Variants in RRBP1 observed in about 807,000 individuals in gnomAD.
The protein encoded by RRBP1 is ribosome-binding protein 1.
A neutral mutation model predicts 165.2 loss-of-function variants in RRBP1; 94 were observed. The observed-to-expected ratio is 0.57, with a 90% CI of 0.48 to 0.68. The LOEUF (loss-of-function observed/expected upper bound fraction) is 0.68. Among genes scored for constraint, RRBP1 ranks in the 30% least tolerant of loss-of-function variants. The pLI, the probability that RRBP1 is intolerant of heterozygous loss-of-function variation, is 0.00. For missense variants in RRBP1, 1,676 were observed against 1,763.0 expected, an observed-to-expected ratio of 0.95 and a Z score of 0.88; for synonymous variants, 680 against 714.5, an observed-to-expected ratio of 0.95 and a Z score of 0.77.
intron 19 of RRBP1, 30 bp downstream of exon 19, chr20:17,619,603 G>A: frequency 6.5e-7 from 1 of 1,539,064 alleles, no homozygotes; most frequent in Non-Finnish European, 8.9e-7. Context: ...CTGCTGGGCA[G>A]GGGCTGCACT....
At chr20:17,647,799 C>G (rs911735928) in intron 3 of RRBP1, among the ~76,000 whole-genome samples, 4 of 152,234 alleles carry the variant, frequency 2.6e-5, no homozygotes, top group African/African-American at 4.8e-5. Flanking sequence ...CTCAGACACA[C>G]ACATGTAGTC....
intron 2 of RRBP1, among the ~76,000 whole-genome samples, chr20:17,667,243 G>C (rs2036889532): frequency 6.6e-6 from 1 of 152,162 alleles, no homozygotes; most frequent in African/African-American, 2.4e-5. Context: ...AGTGTTCTGA[G>C]ATCTTTTCTT....
At chr20:17,624,795 C>G in intron 12 of RRBP1, 127 bp from the exon 13 acceptor site, 1 of 683,072 alleles carries the variant, frequency 1.5e-6, no homozygotes, top group East Asian at 2.7e-5. Context: ...GGACCTGCCA[C>G]GGGACAAAAT....
intron 3 of RRBP1, among the ~76,000 whole-genome samples, chr20:17,649,839 G>A (rs753005767): frequency 1.6e-4 from 24 of 152,070 alleles, no homozygotes; most frequent in Non-Finnish European, 3.1e-4. Flanking sequence ...GAGCTCACAG[G>A]CCCCCTCCCA....
intron 5 of RRBP1, among the ~76,000 whole-genome samples, chr20:17,640,696 A>G (rs911057115): frequency 1.3e-5 from 2 of 152,170 alleles, no homozygotes; most frequent in African/African-American, 4.8e-5. Flanking sequence ...GCAGCCAGGG[A>G]GATATTCTAC....
At chr20:17,649,328 C>T (rs73262653) in intron 3 of RRBP1, among the ~76,000 whole-genome samples, 51 of 152,322 alleles carry the variant, frequency 3.3e-4, no homozygotes, top group African/African-American at 1.2e-3. Context: ...GAGGGGCTGC[C>T]CACACCGGCC....
intron 2 of RRBP1, among the ~76,000 whole-genome samples, chr20:17,677,084 AT>A (rs897310745): frequency 2.5e-4 from 37 of 147,574 alleles, no homozygotes; most frequent in African/African-American, 8.1e-4. Flanking sequence ...AAAAAAAAAA[AT>A]TCCACTTTTA....
chr20:17,634,416 G>A (rs73262621), intron 7 of RRBP1, among the ~76,000 whole-genome samples: 7,796 of 152,286 alleles, frequency 0.051, 597 homozygotes, highest in African/African-American at 0.17. Flanking sequence ...CGTCTGTACC[G>A]GGGAGGCCAC....
intron 3 of RRBP1, among the ~76,000 whole-genome samples, chr20:17,654,523 C>A (rs1299374899): frequency 6.6e-6 from 1 of 152,200 alleles, no homozygotes; most frequent in Non-Finnish European, 1.5e-5. Flanking sequence ...CGGGCCTTAC[C>A]ACTCAATCAC....
chr20:17,677,171 G>C (rs955593208), intron 2 of RRBP1, among the ~76,000 whole-genome samples: 4 of 152,138 alleles, frequency 2.6e-5, no homozygotes, highest in African/African-American at 9.7e-5. Context: ...AGCTCACACA[G>C]GGCACCAGTT....
chr20:17,647,882 C>T (rs1346083825), intron 3 of RRBP1, among the ~76,000 whole-genome samples: 2 of 152,226 alleles, frequency 1.3e-5, no homozygotes, highest in African/African-American at 4.8e-5. Context: ...AGCATGGCTG[C>T]CCAAGCCAGA....
At chr20:17,639,058 C>T (rs1019053638) in intron 5 of RRBP1, among the ~76,000 whole-genome samples, 8 of 152,222 alleles carry the variant, frequency 5.3e-5, no homozygotes, top group Non-Finnish European at 8.8e-5. Flanking sequence ...AAGCCCAGGA[C>T]GGGGCCAGTC....
intron 11 of RRBP1, among the ~76,000 whole-genome samples, chr20:17,625,976 G>A (rs1002095380): frequency 4.6e-5 from 7 of 152,126 alleles, no homozygotes; most frequent in Non-Finnish European, 7.4e-5. Context: ...CCCCAAGAGC[G>A]TCCCCAAAAG....
chr20:17,618,836 C>T, intron 19 of RRBP1, 157 bp from the exon 20 acceptor site: 2 of 624,772 alleles, frequency 3.2e-6, no homozygotes, highest in Non-Finnish European at 5.8e-6. Context: ...GCTCGCCAGG[C>T]TTCCTACAGC....
chr20:17,613,982 T>C lies in RRBP1; in HGVS notation c.*200A>G, dbSNP rs1159151874. The stretch of plus-strand genomic sequence containing the variant: ...TGCGCCCAGGATAGTGTTTATCAAA[T>C]GTGACACAGGTTCATTTACAAACTG... On this transcript the variant is annotated 3_prime_UTR_variant, in exon 25 of 25. Coordinates refer to ENST00000377813, the MANE Select transcript of RRBP1 (RefSeq NM_001365613.2). 3.8e-5 allele frequency: 23 copies of C among 601,690 alleles called. 1 individual carries two copies. The highest frequency in any genetic ancestry group is 6.9e-5 in the Non-Finnish European group (23 of 334,040). The allele number at this position is 601,690 out of a possible 1,614,324, so 37.3% of individuals were successfully genotyped here.
At chr20:17,664,106 G>C (rs1405266226) in intron 2 of RRBP1, among the ~76,000 whole-genome samples, 1 of 152,026 alleles carries the variant, frequency 6.6e-6, no homozygotes, top group African/African-American at 2.4e-5. Context: ...TAATAAAATA[G>C]AACAATTATA....
chr20:17,618,829 C>T (rs1053907780), intron 19 of RRBP1, 150 bp from the exon 20 acceptor site: 4 of 641,152 alleles, frequency 6.2e-6, no homozygotes, highest in African/African-American at 5.4e-5. Flanking sequence ...GCACAGGGCT[C>T]GCCAGGCTTC....
chr20:17,622,089 G>C (rs2035927202), intron 13 of RRBP1, 142 bp from the exon 14 acceptor site: 1 of 662,432 alleles, frequency 1.5e-6, no homozygotes, highest in African/African-American at 1.8e-5. Context: ...AGAATCAAAG[G>C]AGAAGATGAG....
chr20:17,675,404 C>T (rs576189214), intron 2 of RRBP1, among the ~76,000 whole-genome samples: 1 of 152,310 alleles, frequency 6.6e-6, no homozygotes, highest in Non-Finnish European at 1.5e-5. Context: ...TCACTGCCCT[C>T]GACACTGGAT....
Sources: gnomAD v4.1 joint callset for allele counts (sites outside exome capture counted in the v4.1 genomes callset) on GRCh38, gnomAD v4.1.1 for gene constraint, MANE v1.5 for transcripts, NCBI Gene and HGNC (gene_info 2026-07-23, HGNC 2026-07-21) for gene names.